CDYL2: variants seen among roughly 807,000 people sequenced by gnomAD.
The protein encoded by CDYL2 is chromodomain Y-like protein 2.
In CDYL2, 23 loss-of-function variants were observed where a neutral mutation model predicts 49.4. The ratio of observed to expected loss-of-function variants is 0.47; its 90% CI spans 0.34 to 0.66. The LOEUF (loss-of-function observed/expected upper bound fraction) is 0.66. CDYL2 is among the 30% of genes least tolerant of loss of function. CDYL2 has a pLI of 0.01. For missense variants in CDYL2, 678 were observed against 656.4 expected, an observed-to-expected ratio of 1.03 and a Z score of -0.36; for synonymous variants, 360 against 268.8, an observed-to-expected ratio of 1.34 and a Z score of -3.32.
At position 80,717,149 on chromosome 16, in the gene CDYL2, AGATGGATGGATGGATG is replaced by A. The variant is rs200642445; in HGVS notation, c.25-32036_25-32021del. Among the ~76,000 whole-genome samples the A allele has an allele frequency of 5.1e-4, 71 of 138,032 alleles. 1 individual carries two copies. The highest frequency in any genetic ancestry group is 1.1e-3 in the East Asian group (5 of 4,392). 90.6% of individuals were successfully genotyped at this position (138,032 alleles called of 152,430 possible). ...GAATGGATGGGTGGACTGGATCGAT[AGATGGATGGATGGATG>A]GATGGATGGATGGATGGATGGATGG... On this transcript the variant is annotated intron_variant, in intron 1 of 6. Transcript: ENST00000570137.
intron 1 of CDYL2, among the ~76,000 whole-genome samples, chr16:80,777,489 T>C (rs1481995131): frequency 2.0e-5 from 3 of 151,642 alleles, no homozygotes; most frequent in Non-Finnish European, 2.9e-5. Flanking sequence ...ACAAAAAATA[T>C]GAAGAAAAGA....
chr16:80,614,969 A>G (rs1567540888), intron 4 of CDYL2, among the ~76,000 whole-genome samples: 2 of 151,934 alleles, frequency 1.3e-5, no homozygotes, highest in Non-Finnish European at 2.9e-5. Context: ...TATCATAATG[A>G]TATACTGGGA....
chr16:80,643,520 C>G (rs113568552), intron 2 of CDYL2, among the ~76,000 whole-genome samples: 10 of 152,368 alleles, frequency 6.6e-5, no homozygotes, highest in African/African-American at 2.2e-4. Context: ...CTTCTGCACG[C>G]CTTAGCAGAG....
chr16:80,670,692 A>C (rs1202607328), intron 2 of CDYL2, among the ~76,000 whole-genome samples: 1 of 151,942 alleles, frequency 6.6e-6, no homozygotes, highest in African/African-American at 2.4e-5. Flanking sequence ...GCGCAAACCT[A>C]TTTCCAGGCT....
chr16:80,632,843 C>G, intron 3 of CDYL2, 176 bp downstream of exon 3: 1 of 604,948 alleles, frequency 1.7e-6, no homozygotes, highest in Non-Finnish European at 2.9e-6. Flanking sequence ...TCATAAAGAT[C>G]AAATGGGATA....
At chr16:80,728,616 A>C (rs914874170) in intron 1 of CDYL2, among the ~76,000 whole-genome samples, 4 of 151,778 alleles carry the variant, frequency 2.6e-5, no homozygotes, top group Non-Finnish European at 4.4e-5. Flanking sequence ...GATACTCCTC[A>C]AGAAGAGCAA....
intron 2 of CDYL2, among the ~76,000 whole-genome samples, chr16:80,651,893 G>T (rs1420930915): frequency 6.6e-6 from 1 of 152,198 alleles, no homozygotes; most frequent in African/African-American, 2.4e-5. Context: ...ATTGCAGATG[G>T]TGGGACTTAG....
At chr16:80,675,218 C>T (rs1192689338) in intron 2 of CDYL2, among the ~76,000 whole-genome samples, 2 of 152,190 alleles carry the variant, frequency 1.3e-5, no homozygotes, top group Non-Finnish European at 2.9e-5. Flanking sequence ...ATTTACAAAA[C>T]TGGTCACAGA....
intron 1 of CDYL2, among the ~76,000 whole-genome samples, chr16:80,790,901 C>G (rs1414672919): frequency 6.6e-6 from 1 of 152,176 alleles, no homozygotes; most frequent in Admixed American, 6.5e-5. Context: ...CCAGAACAGT[C>G]CGGGAAGATA....
At chr16:80,781,970 T>C (rs1907283793) in intron 1 of CDYL2, among the ~76,000 whole-genome samples, 2 of 151,844 alleles carry the variant, frequency 1.3e-5, no homozygotes. Context: ...ATCAATAACC[T>C]AACTGCATAT....
chr16:80,781,373 C>T (rs1479106419), intron 1 of CDYL2, among the ~76,000 whole-genome samples: 1 of 151,972 alleles, frequency 6.6e-6, no homozygotes, highest in African/African-American at 2.4e-5. Flanking sequence ...AACAACAGAG[C>T]CCCCAAAATA....
intron 1 of CDYL2, among the ~76,000 whole-genome samples, chr16:80,744,301 TC>T (rs932035090): frequency 6.6e-6 from 1 of 152,074 alleles, no homozygotes; most frequent in African/African-American, 2.4e-5. Context: ...GCCTTTATTT[TC>T]ACCTCCCCAT....
intron 2 of CDYL2, among the ~76,000 whole-genome samples, chr16:80,666,088 T>C (rs62049933): frequency 0.5 from 76,390 of 151,958 alleles, 20,788 homozygotes; most frequent in Middle Eastern, 0.7. Context: ...CAGGACCCAC[T>C]GCTTCATCCT....
rs763194077 is a variant in CDYL2, at chr16:80,712,215, A to ATATATATATCTCTC, written c.25-27087_25-27086insGAGAGATATATATA. On this transcript the variant is annotated intron_variant, in intron 1 of 6. Transcript: ENST00000570137. ...TGTATATATATATATATATATATAT[A>ATATATATATCTCTC]TCTCCAAACCACTGCTCACTGTGAT... Among the ~76,000 whole-genome samples, 51 of 128,376 alleles carry ATATATATATCTCTC rather than the reference A, an allele frequency of 4.0e-4. 1 individual carries two copies. The highest frequency in any genetic ancestry group is 6.5e-4 in the Non-Finnish European group (37 of 56,980). The allele number at this position is 128,376 out of a possible 152,430, so 84.2% of individuals were successfully genotyped here.
Position 80,734,872 on chromosome 16 carries a change from A to G in CDYL2, c.25-49743T>C, listed in dbSNP as rs1184033739. Among the ~76,000 whole-genome samples, 3 of 152,156 alleles carry G rather than the reference A, an allele frequency of 2.0e-5. No individual in the cohort carries two copies. The South Asian group carries it at 6.2e-4, about 32-fold the overall frequency. The stretch of plus-strand genomic sequence containing the variant: ...AAGTCATAATGGACCTGCCACCACG[A>G]TATGGTCCAATGACTGACAATCCTT... On this transcript the variant is annotated intron_variant, in intron 1 of 6. Transcript: ENST00000570137.
rs543437146 is a variant in CDYL2 at position 80,612,243 on chromosome 16, C to A, written c.1218+383G>T. ...GGCACATTTACTGGACGGGAGACAC[C>A]TGGGTCCCCAGAGAGTGTGGGTGGC... On this transcript the variant is annotated intron_variant, in intron 5 of 6. Transcript: ENST00000570137. The surrounding 1 kb of genome is among the most constrained non-coding windows in gnomAD (Gnocchi z 5.0). 6.6e-6 allele frequency among the ~76,000 whole-genome samples: 1 copy of A among 152,294 alleles called. No individual in the cohort carries two copies. Among genetic ancestry groups the A allele is most frequent in the Admixed American group, 6.5e-5 (1 of 15,294 alleles).
At chr16:80,734,496 T>C (rs1191242609) in intron 1 of CDYL2, among the ~76,000 whole-genome samples, 1 of 151,348 alleles carries the variant, frequency 6.6e-6, no homozygotes, top group East Asian at 1.9e-4. Flanking sequence ...AGAGTAGCTG[T>C]AATTAGAGGA....
At chr16:80,753,383 C>T (rs1369048609) in intron 1 of CDYL2, among the ~76,000 whole-genome samples, 1 of 152,028 alleles carries the variant, frequency 6.6e-6, no homozygotes, top group Non-Finnish European at 1.5e-5. Context: ...GCGAGGTGGG[C>T]GGATCACCTG....
intron 2 of CDYL2, among the ~76,000 whole-genome samples, chr16:80,646,820 C>CA (rs1908368351): frequency 6.7e-6 from 1 of 149,652 alleles, no homozygotes; most frequent in African/African-American, 2.5e-5. Context: ...CAAAACAAAA[C>CA]AAACAAAAAA....
Sources: allele counts gnomAD v4.1 joint callset (sites outside exome capture counted in the v4.1 genomes callset), GRCh38; gene constraint gnomAD v4.1.1; non-coding constraint Gnocchi (gnomAD v3.1); transcripts MANE v1.5; gene names NCBI Gene and HGNC (gene_info 2026-07-23, HGNC 2026-07-21).